The following ANKS1B variants were observed in gnomAD, a reference collection of about 807,000 sequenced individuals.
The protein encoded by ANKS1B is ankyrin repeat and sterile alpha motif domain containing 1B.
Under a neutral mutation model 148.3 loss-of-function variants are expected in ANKS1B, and 36 were observed. That is an observed-to-expected ratio of 0.24 (90% CI 0.19 to 0.32). ANKS1B has a LOEUF of 0.32. Among genes scored for constraint, ANKS1B ranks in the 10% least tolerant of loss-of-function variants. The probability of loss-of-function intolerance (pLI) is 1.00; values close to 1 mark genes in which losing one functional copy is unlikely to be tolerated. For missense variants in ANKS1B, 1,157 were observed against 1,542.6 expected, an observed-to-expected ratio of 0.75 and a Z score of 4.19; for synonymous variants, 542 against 560.8, an observed-to-expected ratio of 0.97 and a Z score of 0.47.
chr12:99,325,396 T>G (rs1455178469), intron 12 of ANKS1B, among the ~76,000 whole-genome samples: 1 of 152,078 alleles, frequency 6.6e-6, no homozygotes, highest in Non-Finnish European at 1.5e-5. Context: ...AAATTGGCAG[T>G]TTACAAATGG....
chr12:99,490,948 G>A (rs772503365), intron 10 of ANKS1B, among the ~76,000 whole-genome samples: 1 of 152,204 alleles, frequency 6.6e-6, no homozygotes, highest in African/African-American at 2.4e-5. Context: ...TATATTTTCA[G>A]TATAAAACTA....
intron 22 of ANKS1B, among the ~76,000 whole-genome samples, chr12:98,787,555 C>G (rs1453378722): frequency 6.6e-6 from 1 of 152,156 alleles, no homozygotes; most frequent in African/African-American, 2.4e-5. Context: ...CTAATGGTTG[C>G]TGAACTCCAT....
intron 8 of ANKS1B, among the ~76,000 whole-genome samples, chr12:99,767,735 A>C (rs1452303600): frequency 6.6e-6 from 1 of 152,172 alleles, no homozygotes. Flanking sequence ...GCATATTATA[A>C]GAGTATATAA....
chr12:99,642,359 G>GT (rs71303564), intron 9 of ANKS1B, among the ~76,000 whole-genome samples: 65,884 of 151,992 alleles, frequency 0.43, 14,859 homozygotes, highest in Admixed American at 0.51. Context: ...TGTAGCTATT[G>GT]TATCTGTTTC....
intron 17 of ANKS1B, among the ~76,000 whole-genome samples, chr12:99,007,663 G>A (rs2099936896): frequency 6.6e-6 from 1 of 152,104 alleles, no homozygotes; most frequent in African/African-American, 2.4e-5. Context: ...ATCTACTGTG[G>A]GTGTGCTTAG....
intron 17 of ANKS1B, among the ~76,000 whole-genome samples, chr12:98,912,968 G>A (rs988450577): frequency 2.7e-5 from 4 of 150,368 alleles, no homozygotes; most frequent in Non-Finnish European, 5.9e-5. Flanking sequence ...TATATTATTT[G>A]TTTCTATTTT....
At chr12:98,876,797 CAGA>C (rs1177639020) in intron 17 of ANKS1B, among the ~76,000 whole-genome samples, 1 of 152,164 alleles carries the variant, frequency 6.6e-6, no homozygotes, top group Non-Finnish European at 1.5e-5. Flanking sequence ...AGAGCAATTA[CAGA>C]AGATTATATT....
At chr12:99,200,617 G>A (rs552696684) in intron 14 of ANKS1B, among the ~76,000 whole-genome samples, 87 of 152,298 alleles carry the variant, frequency 5.7e-4, no homozygotes, top group African/African-American at 2.1e-3. Context: ...AGGTGGGGAA[G>A]CTAGTGACCT....
intron 4 of ANKS1B, among the ~76,000 whole-genome samples, chr12:99,789,915 G>C (rs1403956533): frequency 6.6e-6 from 1 of 151,882 alleles, no homozygotes; most frequent in African/African-American, 2.4e-5. Context: ...TTAAAGAGGA[G>C]GTTGAGAAAT....
chr12:99,322,654 A>G lies in ANKS1B; in HGVS notation c.1757-75790T>C, dbSNP rs74711741. Among the ~76,000 whole-genome samples, 1,035 of 152,250 alleles carry G rather than the reference A, an allele frequency of 6.8e-3. 9 individuals carry two copies. The highest frequency in any genetic ancestry group is 0.023 in the African/African-American group (971 of 41,550). On this transcript the variant is annotated intron_variant, in intron 12 of 26. Coordinates refer to ENST00000683438, the MANE Select transcript of ANKS1B (RefSeq NM_001352186.2). Reference sequence around the variant, plus strand: ...GCTATGAGAACCCTATGATTCAGTTATATCAAATGATTTGCCATGCTCTGA... The same window carrying G: ...GCTATGAGAACCCTATGATTCAGTTGTATCAAATGATTTGCCATGCTCTGA...
intron 17 of ANKS1B, among the ~76,000 whole-genome samples, chr12:98,966,800 A>G (rs1168539255): frequency 6.7e-6 from 1 of 149,352 alleles, no homozygotes; most frequent in African/African-American, 2.5e-5. Flanking sequence ...TAAAAAACCA[A>G]ACACCGCATG....
intron 10 of ANKS1B, among the ~76,000 whole-genome samples, chr12:99,499,499 A>G (rs1401397053): frequency 6.6e-6 from 1 of 152,090 alleles, no homozygotes; most frequent in Non-Finnish European, 1.5e-5. Flanking sequence ...TTTAGTTAAC[A>G]CTCCTTCATC....
intron 17 of ANKS1B, among the ~76,000 whole-genome samples, chr12:98,837,775 TA>T (rs1375063925): frequency 3.9e-5 from 6 of 152,150 alleles, no homozygotes; most frequent in East Asian, 3.8e-4. Context: ...TAATGTGATA[TA>T]AAATTAAACA....
chr12:99,688,471 G>A (rs189822208), intron 8 of ANKS1B, among the ~76,000 whole-genome samples: 4 of 152,310 alleles, frequency 2.6e-5, no homozygotes, highest in Admixed American at 2.6e-4. Context: ...GTTCTTTACA[G>A]TGGAAAGGAT....
intron 10 of ANKS1B, among the ~76,000 whole-genome samples, chr12:99,474,362 A>G (rs2096284257): frequency 6.6e-6 from 1 of 152,114 alleles, no homozygotes; most frequent in African/African-American, 2.4e-5. Context: ...AGTTATGACT[A>G]GTAATTAGTA....
At chr12:99,344,941 A>G (rs1240711155) in intron 12 of ANKS1B, 2 of 152,082 alleles carry the variant, frequency 1.3e-5, no homozygotes, top group African/African-American at 4.8e-5. Flanking sequence ...CTGTTTTCAA[A>G]TGGCTTGCAA....
chr12:98,804,712 G>T (rs776079839), intron 20 of ANKS1B, among the ~76,000 whole-genome samples: 1 of 152,086 alleles, frequency 6.6e-6, no homozygotes, highest in Non-Finnish European at 1.5e-5. Context: ...ACGTAGAGTA[G>T]TTACTATATG....
At chr12:98,893,079 T>G (rs1350166632) in intron 17 of ANKS1B, among the ~76,000 whole-genome samples, 3 of 152,160 alleles carry the variant, frequency 2.0e-5, no homozygotes, top group Admixed American at 2.0e-4. Context: ...TTTTAAAAAA[T>G]ATTTGTAACA....
At chr12:99,036,338 A>G (rs1230570430) in intron 17 of ANKS1B, among the ~76,000 whole-genome samples, 3 of 152,082 alleles carry the variant, frequency 2.0e-5, no homozygotes. Flanking sequence ...TTCTTAAGCA[A>G]AAGGAAAATA....
Sources: allele counts gnomAD v4.1 joint callset (sites outside exome capture counted in the v4.1 genomes callset), GRCh38; gene constraint gnomAD v4.1.1; transcripts MANE v1.5; gene names NCBI Gene and HGNC (gene_info 2026-07-23, HGNC 2026-07-21).